The following WDR41 variants were observed in gnomAD, a reference collection of about 807,000 sequenced individuals.
WDR41 encodes the protein WD repeat-containing protein 41.
WDR41 carries 63 observed loss-of-function variants against 69.3 expected under a neutral mutation model. The observed-to-expected ratio is 0.91, with a 90% confidence interval of 0.74 to 1.12. The LOEUF (loss-of-function observed/expected upper bound fraction) is 1.12. WDR41 is among the 50% of genes most tolerant of loss of function. The pLI is 0.00. For synonymous variants in WDR41, 185 were observed against 192.1 expected, an observed-to-expected ratio of 0.96 and a Z score of 0.31; for missense variants, 543 against 534.5, an observed-to-expected ratio of 1.02 and a Z score of -0.16.
intron 2 of WDR41, among the ~76,000 whole-genome samples, chr5:77,467,633 C>T (rs922684672): frequency 6.6e-6 from 1 of 151,956 alleles, no homozygotes. Context: ...ATCTTTATAA[C>T]ATGGCACTTG....
At chr5:77,582,843 G>C (rs1360984323) in intron 1 of WDR41, 8 of 1,602,768 alleles carry the variant, frequency 5.0e-6, no homozygotes, top group Non-Finnish European at 6.8e-6. Context: ...TAATCTACAA[G>C]CGTGGTTATG....
chr5:77,562,156 G>T (rs1743539219), intron 1 of WDR41, among the ~76,000 whole-genome samples: 1 of 152,090 alleles, frequency 6.6e-6, no homozygotes, highest in Admixed American at 6.6e-5. Flanking sequence ...ACTGATTTTT[G>T]ATTTAGTGCC....
chr5:77,435,657 A>G (rs555108977), intron 12 of WDR41, among the ~76,000 whole-genome samples: 1 of 152,226 alleles, frequency 6.6e-6, no homozygotes, highest in Non-Finnish European at 1.5e-5. Context: ...TCTCACAGCT[A>G]ATCTGTTACC....
In WDR41 at chr5:77,431,839, T is replaced by TAAA. The variant is rs1172566543; in HGVS notation, c.*1295_*1296insTTT. On this transcript the variant is annotated 3_prime_UTR_variant, in exon 13 of 13. Transcript: ENST00000296679. ...GTTTTAATATTTCTCCATAGAACTT[T>TAAA]TCATGACTCAATGTTGTTTGGATTT... 6.6e-6 allele frequency: 1 copy of TAAA among 151,838 alleles called. No homozygotes were observed. The highest frequency in any genetic ancestry group is 2.4e-5 in the African/African-American group (1 of 41,336). 9.4% of individuals were successfully genotyped at this position (151,838 alleles called of 1,614,324 possible).
chr5:77,573,237 T>C (rs1743763750), intron 1 of WDR41, among the ~76,000 whole-genome samples: 1 of 151,888 alleles, frequency 6.6e-6, no homozygotes, highest in Admixed American at 6.6e-5. Flanking sequence ...TGACCTAATT[T>C]ACTACCAGAT....
intron 1 of WDR41, chr5:77,583,025 G>C (rs1338494308): frequency 6.3e-7 from 1 of 1,597,962 alleles, no homozygotes; most frequent in African/African-American, 1.3e-5. Context: ...TCTTCTCCAC[G>C]AGGTGGAATG....
intron 1 of WDR41, among the ~76,000 whole-genome samples, chr5:77,502,551 C>T (rs966170698): frequency 3.3e-5 from 5 of 152,088 alleles, no homozygotes; most frequent in Middle Eastern, 3.4e-3. Flanking sequence ...GAAGAGCAAC[C>T]CCAAGACACA....
At chr5:77,574,643 A>T (rs985962538) in intron 1 of WDR41, among the ~76,000 whole-genome samples, 10 of 152,224 alleles carry the variant, frequency 6.6e-5, no homozygotes, top group African/African-American at 1.7e-4. Flanking sequence ...TAGTATGGAC[A>T]CAGTAAAAGT....
At position 77,504,465 on chromosome 5, in the gene WDR41, T is replaced by C. The variant is rs572761312; in HGVS notation, c.43-14893A>G. ...GAGGTACAAAGAAGAGCTGGTACCATTCCTTCTGAAACTATTCCAATCAAT... is the reference window on the plus strand; with the variant it reads ...GAGGTACAAAGAAGAGCTGGTACCACTCCTTCTGAAACTATTCCAATCAAT... On this transcript the variant is annotated intron_variant, in intron 1 of 5. Transcript: ENST00000509971. Among the ~76,000 whole-genome samples, 85 of 152,286 alleles carry C rather than the reference T, an allele frequency of 5.6e-4. 3 individuals carry two copies. The South Asian group carries it at 0.013, about 24-fold the overall frequency.
At chr5:77,458,275 T>C (rs1799911338) in intron 5 of WDR41, among the ~76,000 whole-genome samples, 1 of 152,158 alleles carries the variant, frequency 6.6e-6, no homozygotes, top group Non-Finnish European at 1.5e-5. Flanking sequence ...TGCCATGAGA[T>C]GGCTACCAGA....
chr5:77,432,818 T>C lies in WDR41; in HGVS notation c.*317A>G, dbSNP rs1798776594. The stretch of plus-strand genomic sequence containing the variant: ...ATAATAAAACTTCTAATAAATGCCA[T>C]AACTTAACTATTACCTCTATTTGTA... On this transcript the variant is annotated 3_prime_UTR_variant, in exon 13 of 13. Transcript: ENST00000296679. 2.1e-5 allele frequency: 4 copies of C among 195,000 alleles called. No individual in the cohort carries two copies. The highest frequency in any genetic ancestry group is 4.1e-5 in the Non-Finnish European group (4 of 97,158). The allele number at this position is 195,000 out of a possible 1,614,324, so 12.1% of individuals were successfully genotyped here.
chr5:77,606,646 T>C (rs77281560), intron 1 of WDR41, among the ~76,000 whole-genome samples: 29 of 151,556 alleles, frequency 1.9e-4, no homozygotes, highest in African/African-American at 7.0e-4. Context: ...CTACAAACAA[T>C]GAAAAAATTA....
chr5:77,539,993 C>A (rs1743058313), intron 1 of WDR41, among the ~76,000 whole-genome samples: 1 of 152,144 alleles, frequency 6.6e-6, no homozygotes, highest in Non-Finnish European at 1.5e-5. Flanking sequence ...CCTTTACATA[C>A]AGAACAGGCT....
intron 1 of WDR41, chr5:77,540,464 A>T (rs1579999416): frequency 6.6e-6 from 1 of 152,240 alleles, no homozygotes; most frequent in East Asian, 1.9e-4. Flanking sequence ...TTACATTTCA[A>T]ACATAGTTTT....
intron 1 of WDR41, among the ~76,000 whole-genome samples, chr5:77,528,035 T>G (rs1386407182): frequency 6.6e-6 from 1 of 151,330 alleles, no homozygotes; most frequent in Non-Finnish European, 1.5e-5. Flanking sequence ...CAAATTAAAG[T>G]CAAAATAGGA....
intron 8 of WDR41, among the ~76,000 whole-genome samples, chr5:77,446,414 A>G (rs1799381891): frequency 1.3e-5 from 2 of 151,720 alleles, no homozygotes; most frequent in South Asian, 2.1e-4. Flanking sequence ...AAAGAATTAG[A>G]AAAAAAACTA....
At chr5:77,547,017 A>G (rs1743211688) in intron 1 of WDR41, among the ~76,000 whole-genome samples, 1 of 152,200 alleles carries the variant, frequency 6.6e-6, no homozygotes, top group African/African-American at 2.4e-5. Context: ...ATTAAAAACA[A>G]AAATCACATG....
intron 8 of WDR41, among the ~76,000 whole-genome samples, chr5:77,446,317 A>G (rs1201314494): frequency 6.6e-6 from 1 of 152,240 alleles, no homozygotes; most frequent in Non-Finnish European, 1.5e-5. Flanking sequence ...ATAGATAGGA[A>G]GAATCAATAT....
chr5:77,515,555 G>A (rs1474258646), intron 1 of WDR41, among the ~76,000 whole-genome samples: 1 of 152,088 alleles, frequency 6.6e-6, no homozygotes, highest in Non-Finnish European at 1.5e-5. Context: ...AATGCATAAA[G>A]CAGTAACATC....
Sources: gnomAD v4.1 joint callset for allele counts (sites outside exome capture counted in the v4.1 genomes callset) on GRCh38, gnomAD v4.1.1 for gene constraint, MANE v1.5 for transcripts, NCBI Gene and HGNC (gene_info 2026-07-23, HGNC 2026-07-21) for gene names.